FAM216A: variants seen among roughly 807,000 people sequenced by gnomAD.
FAM216A encodes family with sequence similarity 216 member A.
Under a neutral mutation model 37.6 loss-of-function variants are expected in FAM216A, and 26 were observed. That is an observed-to-expected ratio of 0.69 (90% CI 0.51 to 0.96). The LOEUF (loss-of-function observed/expected upper bound fraction) is 0.96, where lower values mean the gene tolerates loss of function less well. Among genes scored for constraint, FAM216A ranks in the 40% least tolerant of loss-of-function variants. The pLI is 0.00. For missense variants in FAM216A, 326 were observed against 339.3 expected (o/e 0.96, Z 0.31); for synonymous variants, 110 against 121.7 (o/e 0.90, Z 0.64).
At chr12:110,479,847 C>CA (rs201378870) in intron 2 of FAM216A, among the ~76,000 whole-genome samples, 242 of 148,910 alleles carry the variant, frequency 1.6e-3, no homozygotes, top group African/African-American at 4.0e-3. Flanking sequence ...AAAAAAAACC[C>CA]AAAAAAAACA....
At position 110,472,951 on chromosome 12, in the gene FAM216A, G is replaced by A. The variant is rs1170076092; in HGVS notation, c.144-127G>A. Reference sequence around the variant, plus strand: ...AGATCATGCCACTGCACTCCAGCCTGGGTGACAAAGTGAGACCCTGTCTCA... The same window carrying A: ...AGATCATGCCACTGCACTCCAGCCTAGGTGACAAAGTGAGACCCTGTCTCA... On this transcript the variant is annotated intron_variant, in intron 1 of 6. Transcript: ENST00000377673. 9 of 363,324 alleles carry A rather than the reference G, an allele frequency of 2.5e-5. No homozygotes were observed. The Admixed American group carries it at 3.8e-4, about 15-fold the overall frequency. The allele number at this position is 363,324 out of a possible 1,614,324, so 22.5% of individuals were successfully genotyped here.
intron 1 of FAM216A, among the ~76,000 whole-genome samples, 160 bp from the exon 2 acceptor site, chr12:110,472,918 A>G (rs1052405739): frequency 2.8e-5 from 4 of 144,146 alleles, no homozygotes; most frequent in Non-Finnish European, 4.5e-5. Context: ...AGAGGTTCCA[A>G]TGACCTGAGA....
intron 6 of FAM216A, 29 bp from the exon 7 acceptor site, chr12:110,489,990 A>C: frequency 9.5e-7 from 1 of 1,057,458 alleles, no homozygotes; most frequent in Non-Finnish European, 1.5e-6. Context: ...TCCAAAACAG[A>C]CAATTGTAAA....
chr12:110,484,977 G>A, intron 2 of FAM216A, 101 bp from the exon 3 acceptor site: 1 of 1,231,010 alleles, frequency 8.1e-7, no homozygotes, highest in East Asian at 2.6e-5. Context: ...TGGGATTACA[G>A]GCGTGAGCCA....
rs1187956972 is a variant in FAM216A at position 110,485,146 on chromosome 12, C to G, written c.253C>G (p.Gln85Glu). Residue 85 changes from glutamine (Q) to glutamate (E), a missense_variant, in exon 3 of 7, where the codon CAA becomes GAA. By Grantham distance (29) the Gln-to-Glu change is conservative. Coordinates refer to ENST00000377673, the MANE Select transcript of FAM216A (RefSeq NM_013300.3). ...AKLQELWKTPQNQTIHLSKSM... is the reference protein window; with the variant it reads ...AKLQELWKTPENQTIHLSKSM... The stretch of plus-strand genomic sequence containing the variant: ...GCTGCAAGAGTTATGGAAAACTCCC[C>G]AAAATCAAACAATCCACCTCTCTAA... 1 of 1,612,928 alleles carries G rather than the reference C, an allele frequency of 6.2e-7. No homozygotes were observed. Among genetic ancestry groups the G allele is most frequent in the Non-Finnish European group, 8.5e-7 (1 of 1,179,706 alleles).
At chr12:110,473,386 A>G (rs1454618498) in intron 2 of FAM216A, among the ~76,000 whole-genome samples, 2 of 151,860 alleles carry the variant, frequency 1.3e-5, no homozygotes, top group Admixed American at 6.6e-5. Flanking sequence ...TAATTTTTCT[A>G]TTTTTAGTAG....
Position 110,486,349 on chromosome 12 carries a change from A to G in FAM216A, c.331A>G (p.Lys111Glu). 6.2e-7 allele frequency: 1 copy of G among 1,612,992 alleles called. No individual in the cohort carries two copies. The highest frequency in any genetic ancestry group is 8.5e-7 in the Non-Finnish European group (1 of 1,179,298). ...GCATCCAGACCTCACCACAGGCCAG[A>G]AGCGTTACCTGTGCAGCATTGCTAA... Reference protein sequence around the residue: ...FKHPDLTTGQKRYLCSIAKIY... With the variant: ...FKHPDLTTGQERYLCSIAKIY... The change falls in exon 4 of 7, where the codon AAG (lysine) becomes GAG (glutamate). Residue 111 changes from lysine (K) to glutamate (E), a missense_variant. Coordinates refer to ENST00000377673, the MANE Select transcript of FAM216A (RefSeq NM_013300.3).
Position 110,489,027 on chromosome 12 carries a change from C to T in FAM216A, c.704-992C>T, listed in dbSNP as rs35662369. On this transcript the variant is annotated intron_variant, in intron 6 of 6. Transcript: ENST00000377673. ...TTATCAAAATTTTACAGCTGCAACT[C>T]AGACAAATCCAGACTTTGGAAGGAT... is the stretch of plus-strand genomic sequence containing the variant. 4.0e-3 allele frequency among the ~76,000 whole-genome samples: 610 copies of T among 152,290 alleles called. 4 individuals carry two copies. The highest frequency in any genetic ancestry group is 0.016 in the South Asian group (77 of 4,830).
chr12:110,476,048 A>T (rs1256604140), intron 2 of FAM216A, among the ~76,000 whole-genome samples: 1 of 152,010 alleles, frequency 6.6e-6, no homozygotes. Flanking sequence ...TATCTTAACT[A>T]CATTTATTTA....
upstream of FAM216A, chr12:110,468,785 T>A: frequency 1.4e-6 from 2 of 1,461,734 alleles, no homozygotes. Flanking sequence ...TCGGGCAGTG[T>A]CCGAACGGCT....
At chr12:110,468,595 T>G, upstream of FAM216A, 1 of 1,537,262 alleles carries the variant, frequency 6.5e-7, no homozygotes, top group South Asian at 1.2e-5. Context: ...GCTGAGGATC[T>G]GGAATACTGA....
At chr12:110,475,819 C>A (rs1055027702) in intron 2 of FAM216A, among the ~76,000 whole-genome samples, 2 of 152,154 alleles carry the variant, frequency 1.3e-5, no homozygotes, top group African/African-American at 4.8e-5. Flanking sequence ...TCACTGCAGC[C>A]TCCACCTCCT....
Position 110,486,550 on chromosome 12 carries a change from C to T in FAM216A, c.453C>T (p.His151=). 1 of 1,613,404 alleles carries T rather than the reference C, an allele frequency of 6.2e-7. No homozygotes were observed. The highest frequency in any genetic ancestry group is 8.5e-7 in the Non-Finnish European group (1 of 1,179,496). Reference sequence around the variant, plus strand: ...GTATCACAGGTGTCCTCACTCATCACAGAAGCCGCCTTAGCTCCCGTTACT... The same window carrying T: ...GTATCACAGGTGTCCTCACTCATCATAGAAGCCGCCTTAGCTCCCGTTACT... The part of the protein sequence containing the change: ...SSQKPGVLTH[H]RSRLSSRYSQ... The change falls in exon 5 of 7, where the codon CAC becomes CAT. Residue 151 remains histidine, a synonymous_variant. Transcript: ENST00000377673.
At chr12:110,471,518 G>A (rs1341286492) in intron 1 of FAM216A, among the ~76,000 whole-genome samples, 1 of 152,150 alleles carries the variant, frequency 6.6e-6, no homozygotes, top group Non-Finnish European at 1.5e-5. Context: ...TAAAGATACA[G>A]AGCAGCTCTA....
At position 110,468,930 on chromosome 12, in the gene FAM216A, C is replaced by T; in HGVS notation, c.55C>T (p.Pro19Ser). ...TARGLGAAEM[P>S]GQGPGSDWTE... ...TCGCGGTCTCGGCGCCGCGGAGATG[C>T]CCGGCCAGGGTCCGGGGTCCGACTG... The change falls in exon 1 of 7, where the codon CCC becomes TCC. Residue 19 changes from proline (P) to serine (S), a missense_variant. Coordinates refer to ENST00000377673, the MANE Select transcript of FAM216A (RefSeq NM_013300.3). The T allele has an allele frequency of 1.3e-6, 2 of 1,523,820 alleles. No homozygotes were observed. Among genetic ancestry groups the T allele is most frequent in the South Asian group, 2.4e-5 (2 of 83,508 alleles). 94.4% of individuals were successfully genotyped at this position (1,523,820 alleles called of 1,614,324 possible). A position where few individuals can be genotyped will look rare whatever the true frequency, so the allele number is the denominator to read the frequency against.
intron 2 of FAM216A, among the ~76,000 whole-genome samples, chr12:110,474,075 GA>G (rs1482827333): frequency 5.3e-5 from 8 of 151,706 alleles, no homozygotes; most frequent in Middle Eastern, 3.4e-3. Context: ...AGTTACCTGG[GA>G]AAAAAATATA....
At chr12:110,489,936 T>A in intron 6 of FAM216A, 83 bp from the exon 7 acceptor site, 1 of 691,340 alleles carries the variant, frequency 1.4e-6, no homozygotes, top group South Asian at 1.6e-5. Flanking sequence ...TACAGGCTTA[T>A]TAATAAGCCA....
intron 5 of FAM216A, chr12:110,486,958 A>G (rs2062780945): frequency 2.3e-6 from 1 of 439,490 alleles, no homozygotes; most frequent in African/African-American, 2.0e-5. Flanking sequence ...GCATCTCACT[A>G]TGTTGGCCAA....
chr12:110,484,888 G>C (rs1403272076), intron 2 of FAM216A, among the ~76,000 whole-genome samples, 190 bp from the exon 3 acceptor site: 2 of 152,004 alleles, frequency 1.3e-5, no homozygotes, highest in African/African-American at 4.8e-5. Context: ...TTTTAGTAGA[G>C]ACAGGGTTTC....
Sources: allele counts gnomAD v4.1 joint callset (sites outside exome capture counted in the v4.1 genomes callset), GRCh38; gene constraint gnomAD v4.1.1; transcripts MANE v1.5; gene names NCBI Gene and HGNC (gene_info 2026-07-23, HGNC 2026-07-21).